The following GPATCH2L variants were observed in gnomAD, a reference collection of about 807,000 sequenced individuals.
GPATCH2L encodes G-patch domain containing 2 like.
GPATCH2L carries 31 observed loss-of-function variants against 57.4 expected under a neutral mutation model. The ratio of observed to expected loss-of-function variants is 0.54; its 90% confidence interval spans 0.41 to 0.73. GPATCH2L has a LOEUF of 0.73. Ranked by LOEUF, GPATCH2L falls within the 30% of genes least tolerant of loss-of-function variation. The pLI is 0.00. For missense variants in GPATCH2L, 481 were observed against 599.9 expected (o/e 0.80, Z 2.07); for synonymous variants, 199 against 210.7 (o/e 0.94, Z 0.48).
chr14:76,217,908 T>C (rs543523003), downstream of GPATCH2L, among the ~76,000 whole-genome samples: 38 of 152,114 alleles, frequency 2.5e-4, no homozygotes, highest in Admixed American at 5.2e-4. Flanking sequence ...CATAAAGATG[T>C]GAAGTATTAT....
intron 2 of GPATCH2L, among the ~76,000 whole-genome samples, chr14:76,231,849 T>C (rs1053098019): frequency 1.7e-4 from 25 of 151,388 alleles, no homozygotes; most frequent in African/African-American, 5.8e-4. Flanking sequence ...AATTATACTA[T>C]GCCTCCAACA....
At chr14:76,197,648 C>T (rs971185649) in intron 9 of GPATCH2L, among the ~76,000 whole-genome samples, 13 of 152,124 alleles carry the variant, frequency 8.5e-5, no homozygotes, top group African/African-American at 2.7e-4. Flanking sequence ...CGGGCCATCT[C>T]GGATTCCACC....
At chr14:76,195,278 C>T (rs924389531) in intron 8 of GPATCH2L, among the ~76,000 whole-genome samples, 4 of 152,076 alleles carry the variant, frequency 2.6e-5, no homozygotes, top group African/African-American at 7.2e-5. Flanking sequence ...TTCACAGAAT[C>T]GTTTGCTTTT....
chr14:76,160,540 G>GA (rs900542274), intron 2 of GPATCH2L, among the ~76,000 whole-genome samples: 1 of 152,064 alleles, frequency 6.6e-6, no homozygotes, highest in East Asian at 1.9e-4. Context: ...CAACTGAAGA[G>GA]AAAAAAGTGT....
chr14:76,153,657 G>T (rs1430292581), intron 1 of GPATCH2L: 1 of 152,172 alleles, frequency 6.6e-6, no homozygotes, highest in African/African-American at 2.4e-5. Context: ...ACTGTATAAG[G>T]TTCTATACCT....
downstream of GPATCH2L, among the ~76,000 whole-genome samples, chr14:76,215,927 A>T (rs967422690): frequency 1.3e-5 from 2 of 152,070 alleles, no homozygotes; most frequent in South Asian, 2.1e-4. Flanking sequence ...AAAATAAAAT[A>T]AAAATTAAAA....
At position 76,213,343 on chromosome 14, in the gene GPATCH2L, A is replaced by T. The variant is rs1023171858; in HGVS notation, c.*11492A>T. 1 of 152,180 alleles carries T rather than the reference A, an allele frequency of 6.6e-6. No individual in the cohort carries two copies. The highest frequency in any genetic ancestry group is 2.4e-5 in the African/African-American group (1 of 41,444). The allele number at this position is 152,180 out of a possible 1,614,324, so 9.4% of individuals were successfully genotyped here. On this transcript the variant is annotated 3_prime_UTR_variant, in exon 10 of 10. Coordinates refer to ENST00000261530, the MANE Select transcript of GPATCH2L (RefSeq NM_017926.4). ...GTATAGTTTGCCAAAAAATGACATC[A>T]AAAGAAATCTAATATAACAATTGTC...
In GPATCH2L at chr14:76,212,246, CTT is replaced by C. The variant is rs1566825106; in HGVS notation, c.*10396_*10397del. ...TACCTGTCATATTAATAAAAGTAAACTTATCTGTAGATAAAAGGCAAAAATGT... is the reference window on the plus strand; with the variant it reads ...TACCTGTCATATTAATAAAAGTAAACATCTGTAGATAAAAGGCAAAAATGT... On this transcript the variant is annotated 3_prime_UTR_variant, in exon 10 of 10. Transcript: ENST00000261530. 6.6e-6 allele frequency: 1 copy of C among 151,924 alleles called. No individual in the cohort carries two copies. The highest frequency in any genetic ancestry group is 2.4e-5 in the African/African-American group (1 of 41,380). 9.4% of individuals were successfully genotyped at this position (151,924 alleles called of 1,614,324 possible). A position where few individuals can be genotyped will look rare whatever the true frequency, so the allele number is the denominator to read the frequency against.
chr14:76,192,057 G>A (rs562903667), intron 8 of GPATCH2L, among the ~76,000 whole-genome samples: 1 of 149,248 alleles, frequency 6.7e-6, no homozygotes, highest in East Asian at 2.0e-4. Flanking sequence ...TTCCTGGCTT[G>A]TTTTCACTTA....
intron 4 of GPATCH2L, among the ~76,000 whole-genome samples, chr14:76,172,792 C>G (rs188664216): frequency 6.6e-6 from 1 of 152,144 alleles, no homozygotes; most frequent in East Asian, 1.9e-4. Context: ...AATCACACTA[C>G]GAGATGTAAA....
At chr14:76,152,226 C>G (rs1200478008) in intron 1 of GPATCH2L, among the ~76,000 whole-genome samples, 1 of 152,156 alleles carries the variant, frequency 6.6e-6, no homozygotes, top group African/African-American at 2.4e-5. Context: ...TTCTGCCTCT[C>G]TGGGGCGGGC....
intron 2 of GPATCH2L, among the ~76,000 whole-genome samples, chr14:76,161,161 G>GA (rs936213681): frequency 2.0e-5 from 3 of 152,014 alleles, no homozygotes; most frequent in African/African-American, 4.8e-5. Flanking sequence ...CTCTACCCTG[G>GA]AAAAAAACTG....
At chr14:76,155,071 C>G in intron 2 of GPATCH2L, 46 bp downstream of exon 2, 2 of 1,508,586 alleles carry the variant, frequency 1.3e-6, no homozygotes, top group Non-Finnish European at 1.8e-6. Flanking sequence ...GTTAATTTTT[C>G]CCAAAGTGCA....
In GPATCH2L at chr14:76,203,424, C is replaced by T. The variant is rs1226428131; in HGVS notation, c.*1573C>T. 3.9e-5 allele frequency: 6 copies of T among 152,386 alleles called. No homozygotes were observed. The highest frequency in any genetic ancestry group is 7.3e-5 in the Non-Finnish European group (5 of 68,108). 9.4% of individuals were successfully genotyped at this position (152,386 alleles called of 1,614,324 possible). On this transcript the variant is annotated 3_prime_UTR_variant, in exon 10 of 10. Coordinates refer to ENST00000261530, the MANE Select transcript of GPATCH2L (RefSeq NM_017926.4). The stretch of plus-strand genomic sequence containing the variant: ...ACCTGTGAGTCGCCTCTGGTTCTCA[C>T]GCAGCAGTGTGTGTGTGCTCACAGG...
At chr14:76,196,243 G>C (rs1470921352) in intron 9 of GPATCH2L, 1 of 614,256 alleles carries the variant, frequency 1.6e-6, no homozygotes, top group African/African-American at 1.8e-5. Flanking sequence ...TGTTTTAGCA[G>C]ACAGGAAATT....
chr14:76,156,044 A>G (rs2139547217), intron 2 of GPATCH2L, among the ~76,000 whole-genome samples: 1 of 152,310 alleles, frequency 6.6e-6, no homozygotes, highest in African/African-American at 2.4e-5. Flanking sequence ...CTCTTATTTA[A>G]TGTTCACAAT....
At chr14:76,169,426 A>G (rs758466189) in intron 3 of GPATCH2L, among the ~76,000 whole-genome samples, 15 of 152,186 alleles carry the variant, frequency 9.9e-5, no homozygotes, top group Non-Finnish European at 1.8e-4. Flanking sequence ...ACAAAATCGA[A>G]CATAGATTCT....
At chr14:76,178,972 G>C (rs1307499906) in intron 7 of GPATCH2L, 1 of 152,124 alleles carries the variant, frequency 6.6e-6, no homozygotes, top group Non-Finnish European at 1.5e-5. Context: ...GATTTTTTTG[G>C]AGGATTGCAT....
At chr14:76,176,520 T>A (rs1212454518) in intron 5 of GPATCH2L, 103 bp from the exon 6 acceptor site, 2 of 775,848 alleles carry the variant, frequency 2.6e-6, no homozygotes, top group African/African-American at 3.4e-5. Flanking sequence ...CATGTGCCTT[T>A]TGAGGTTGCC....
Sources: gnomAD v4.1 joint callset for allele counts (sites outside exome capture counted in the v4.1 genomes callset) on GRCh38, gnomAD v4.1.1 for gene constraint, MANE v1.5 for transcripts, NCBI Gene and HGNC (gene_info 2026-07-23, HGNC 2026-07-21) for gene names.